Variants in OR2C1 observed in about 807,000 individuals in gnomAD.
OR2C1 encodes olfactory receptor family 2 subfamily C member 1.
For synonymous variants in OR2C1, 209 were observed against 167.3 expected (o/e 1.25, Z -1.92); for missense variants, 468 against 388.3 (o/e 1.21, Z -1.73).
the OR2C1 span, among the ~76,000 whole-genome samples, chr16:3,332,333 T>C: frequency 6.6e-6 from 1 of 152,050 alleles, no homozygotes; most frequent in Admixed American, 6.6e-5. Flanking sequence ...TGGACTCAAG[T>C]CATCCTCCTG....
the OR2C1 span, among the ~76,000 whole-genome samples, chr16:3,328,653 G>A: frequency 6.6e-6 from 1 of 152,124 alleles, no homozygotes. Flanking sequence ...TCCCCTTTGG[G>A]GTTCTGTGCT....
upstream of OR2C1, among the ~76,000 whole-genome samples, chr16:3,354,923 C>T (rs992503114): frequency 6.6e-6 from 1 of 152,044 alleles, no homozygotes; most frequent in African/African-American, 2.4e-5. Flanking sequence ...AGCCACCATG[C>T]CTGACTGAAA....
At chr16:3,324,364 T>C in the OR2C1 span, among the ~76,000 whole-genome samples, 1 of 152,118 alleles carries the variant, frequency 6.6e-6, no homozygotes, top group Admixed American at 6.6e-5. Context: ...TAATTTTTTG[T>C]GTTTTAATAG....
Position 3,356,940 on chromosome 16 carries a change from C to G in OR2C1, c.*61C>G, listed in dbSNP as rs2030691828. ...TCTACATGCGTTTCTCATTAACTCTCTCTGGCCAGGTGAACATGAGGAATA... is the reference window on the plus strand; with the variant it reads ...TCTACATGCGTTTCTCATTAACTCTGTCTGGCCAGGTGAACATGAGGAATA... On this transcript the variant is annotated 3_prime_UTR_variant, in exon 1 of 1. Transcript: ENST00000304936. The G allele has an allele frequency of 2.2e-6, 3 of 1,361,012 alleles. No homozygotes were observed. Among genetic ancestry groups the G allele is most frequent in the Admixed American group, 5.1e-5 (2 of 39,098 alleles). The allele number at this position is 1,361,012 out of a possible 1,614,324, so 84.3% of individuals were successfully genotyped here.
At chr16:3,329,938 A>G in the OR2C1 span, among the ~76,000 whole-genome samples, 1 of 150,212 alleles carries the variant, frequency 6.7e-6, no homozygotes, top group Non-Finnish European at 1.5e-5. Context: ...TATTTTTAGT[A>G]GAGATGGGGT....
At chr16:3,338,679 A>G in the OR2C1 span, among the ~76,000 whole-genome samples, 3 of 151,426 alleles carry the variant, frequency 2.0e-5, no homozygotes, top group African/African-American at 4.9e-5. Flanking sequence ...CTGAGATTAC[A>G]GGCGCCCGCC....
the OR2C1 span, among the ~76,000 whole-genome samples, chr16:3,333,371 C>T: frequency 2.0e-5 from 3 of 152,054 alleles, no homozygotes; most frequent in Admixed American, 6.6e-5. Flanking sequence ...GAGTCTCCCT[C>T]TGTTGCCCAG....
the OR2C1 span, among the ~76,000 whole-genome samples, chr16:3,334,442 A>AT: frequency 1.3e-5 from 2 of 150,354 alleles, no homozygotes; most frequent in African/African-American, 2.4e-5. Flanking sequence ...CAGCCTGCTA[A>AT]TTTTTTTTAA....
the OR2C1 span, among the ~76,000 whole-genome samples, chr16:3,331,622 C>G: frequency 6.6e-6 from 1 of 151,884 alleles, no homozygotes; most frequent in Admixed American, 6.6e-5. Flanking sequence ...CCAGTTTTCC[C>G]AGCACCATTT....
upstream of OR2C1, among the ~76,000 whole-genome samples, chr16:3,355,654 C>T (rs1555468459): frequency 6.6e-6 from 1 of 151,724 alleles, no homozygotes; most frequent in Non-Finnish European, 1.5e-5. Context: ...TGGTGGCACA[C>T]ACCTGTGGTC....
chr16:3,354,933 A>G (rs945818360), upstream of OR2C1, among the ~76,000 whole-genome samples: 3 of 152,012 alleles, frequency 2.0e-5, no homozygotes, highest in Non-Finnish European at 4.4e-5. Context: ...CCTGACTGAA[A>G]TTTCAGTCTG....
At chr16:3,333,239 T>G in the OR2C1 span, among the ~76,000 whole-genome samples, 6 of 132,314 alleles carry the variant, frequency 4.5e-5, 1 homozygote, top group African/African-American at 1.6e-4. Flanking sequence ...TTTTTTTTTT[T>G]TTTTTTTTTG....
chr16:3,323,357 T>G, the OR2C1 span: 1 of 1,081,580 alleles, frequency 9.2e-7, no homozygotes, highest in Non-Finnish European at 1.4e-6. Flanking sequence ...GGCAATTTCA[T>G]GAATGAGGTC....
At chr16:3,345,732 CCTTCCTCTCTTT>C in the OR2C1 span, among the ~76,000 whole-genome samples, 2 of 150,920 alleles carry the variant, frequency 1.3e-5, no homozygotes, top group African/African-American at 4.9e-5. Context: ...TCCCTTCTTC[CCTTCCTCTCTTT>C]CTTCCTCTCT....
chr16:3,329,079 C>A, the OR2C1 span, among the ~76,000 whole-genome samples: 1 of 149,002 alleles, frequency 6.7e-6, no homozygotes, highest in Non-Finnish European at 1.5e-5. Context: ...ACTGACGGAG[C>A]CAAAGGATAC....
chr16:3,333,025 T>G, the OR2C1 span, among the ~76,000 whole-genome samples: 1 of 152,124 alleles, frequency 6.6e-6, no homozygotes, highest in East Asian at 1.9e-4. Context: ...TTTCTCCACA[T>G]CCTCGCCAGC....
the OR2C1 span, among the ~76,000 whole-genome samples, chr16:3,336,725 T>TTGG: frequency 6.9e-6 from 1 of 145,862 alleles, no homozygotes; most frequent in Non-Finnish European, 1.5e-5. Flanking sequence ...TTTTTTTTTT[T>TTGG]GAGACAGAGT....
chr16:3,357,134 T>C lies in OR2C1; in HGVS notation c.*255T>C, dbSNP rs1043342601. 4.6e-6 allele frequency: 2 copies of C among 433,150 alleles called. No individual in the cohort carries two copies. The highest frequency in any genetic ancestry group is 4.0e-5 in the African/African-American group (2 of 50,424). The allele number at this position is 433,150 out of a possible 1,614,324, so 26.8% of individuals were successfully genotyped here. ...ATGTTGTTGAGGGCTCAGAGGTTATTGACCTGTGACAGACCTGTCTCACTG... is the reference window on the plus strand; with the variant it reads ...ATGTTGTTGAGGGCTCAGAGGTTATCGACCTGTGACAGACCTGTCTCACTG... On this transcript the variant is annotated 3_prime_UTR_variant, in exon 1 of 1. Coordinates refer to ENST00000304936, the MANE Select transcript of OR2C1 (RefSeq NM_012368.3).
chr16:3,329,640 G>A, the OR2C1 span, among the ~76,000 whole-genome samples: 6 of 151,334 alleles, frequency 4.0e-5, no homozygotes, highest in Non-Finnish European at 8.8e-5. Flanking sequence ...TAGTAGAGAT[G>A]GGGTTTCACT....
Sources: allele counts gnomAD v4.1 joint callset (sites outside exome capture counted in the v4.1 genomes callset), GRCh38; gene constraint gnomAD v4.1.1; transcripts MANE v1.5; gene names NCBI Gene and HGNC (gene_info 2026-07-23, HGNC 2026-07-21).